PCDH17: variants seen among roughly 807,000 people sequenced by gnomAD.
PCDH17 encodes protocadherin 17, also known as protocadherin-17.
PCDH17 carries 21 observed loss-of-function variants against 67.7 expected under a neutral mutation model. The ratio of observed to expected loss-of-function variants is 0.31; its 90% confidence interval spans 0.22 to 0.45. The LOEUF (loss-of-function observed/expected upper bound fraction) is 0.45, where lower values mean the gene tolerates loss of function less well. Among genes scored for constraint, PCDH17 ranks in the 20% least tolerant of loss-of-function variants. The pLI, the probability that PCDH17 is intolerant of heterozygous loss-of-function variation, is 1.00. For synonymous variants in PCDH17, 701 were observed against 656.7 expected (o/e 1.07, Z -1.03); for missense variants, 1,471 against 1,564.8 (o/e 0.94, Z 1.01).
chr13:57,634,507 A>T lies in PCDH17; in HGVS notation c.1961A>T (p.Asp654Val). 6.2e-7 allele frequency: 1 copy of T among 1,612,646 alleles called. No individual in the cohort carries two copies. Among genetic ancestry groups the T allele is most frequent in the Non-Finnish European group, 8.5e-7 (1 of 1,179,930 alleles). The stretch of plus-strand genomic sequence containing the variant: ...CGCACGCTGCACCCTTTCTGGGAGG[A>T]CGTGACGCCCGTGGTGGAGCTGGTG... ...EIRTLHPFWE[D>V]VTPVVELVVK... The change falls in exon 1 of 4, where the codon GAC becomes GTC. Residue 654 changes from aspartate to valine, a missense_variant. By Grantham distance (152) the Asp-to-Val change is radical. Coordinates refer to ENST00000377918, the MANE Select transcript of PCDH17 (RefSeq NM_001040429.3). The surrounding 1 kb of genome is among the most constrained non-coding windows in gnomAD (Gnocchi z 7.8).
Position 57,634,102 on chromosome 13 carries a change from T to C in PCDH17, c.1556T>C (p.Val519Ala). 6.2e-7 allele frequency: 1 copy of C among 1,612,774 alleles called. No homozygotes were observed. The highest frequency in any genetic ancestry group is 8.5e-7 in the Non-Finnish European group (1 of 1,179,754). Residue 519 changes from valine (V) to alanine (A), a missense_variant, in exon 1 of 4, where the codon GTG becomes GCG. Val to Ala is a moderately conservative substitution (Grantham distance 64, BLOSUM62 0). Transcript: ENST00000377918. This position sits in a 1 kb window ranked among gnomAD's most constrained non-coding sequence, Gnocchi z 7.8. ...ATCCTGCCCTCGCACATCGGCGACG[T>C]GTCTATCTACACCTATGTGTCTGTG... ...YSILPSHIGD[V>A]SIYTYVSVNP...
chr13:57,694,773 A>G (rs1220377502), intron 3 of PCDH17, among the ~76,000 whole-genome samples: 1 of 151,304 alleles, frequency 6.6e-6, no homozygotes, highest in East Asian at 1.9e-4. Flanking sequence ...ATATGATACT[A>G]TAATTGTTCC....
chr13:57,706,700 G>C (rs1213226587), intron 3 of PCDH17, among the ~76,000 whole-genome samples: 2 of 152,084 alleles, frequency 1.3e-5, no homozygotes, highest in Non-Finnish European at 2.9e-5. Context: ...CTTCTGTGTT[G>C]ACAGGATGAG....
At chr13:57,707,330 T>G (rs895852990) in intron 3 of PCDH17, among the ~76,000 whole-genome samples, 5 of 116,762 alleles carry the variant, frequency 4.3e-5, no homozygotes, top group African/African-American at 1.8e-4. Flanking sequence ...TTGTGATATA[T>G]GACCGTGTGT....
At chr13:57,664,899 T>G (rs926777773) in intron 1 of PCDH17, among the ~76,000 whole-genome samples, 2 of 152,192 alleles carry the variant, frequency 1.3e-5, no homozygotes, top group African/African-American at 4.8e-5. Flanking sequence ...CAAGTTATCC[T>G]TAAAAACTGA....
In PCDH17 at chr13:57,634,720, C is replaced by T; in HGVS notation, c.2174C>T (p.Thr725Ile). Residue 725 changes from threonine (T) to isoleucine (I), a missense_variant, in exon 1 of 4, where the codon ACC becomes ATC. Transcript: ENST00000377918. This position sits in a 1 kb window ranked among gnomAD's most constrained non-coding sequence, Gnocchi z 7.8. ...ISIILLAAMI[T>I]IAVKCKRENK... ...ATCATCCTCCTAGCGGCCATGATCA[C>T]CATCGCCGTCAAGTGCAAGCGCGAG... is the stretch of plus-strand genomic sequence containing the variant. The T allele has an allele frequency of 6.2e-7, 1 of 1,613,962 alleles. No individual in the cohort carries two copies.
chr13:57,651,385 C>T (rs1289851949), intron 1 of PCDH17, among the ~76,000 whole-genome samples: 2 of 129,630 alleles, frequency 1.5e-5, no homozygotes, highest in African/African-American at 2.9e-5. Context: ...TTTTTGAGAC[C>T]GGGTCTCACT....
Position 57,633,890 on chromosome 13 carries a change from C to A in PCDH17, c.1344C>A (p.Gly448=). 1 of 1,613,166 alleles carries A rather than the reference C, an allele frequency of 6.2e-7. No homozygotes were observed. Among genetic ancestry groups the A allele is most frequent in the Non-Finnish European group, 8.5e-7 (1 of 1,180,028 alleles). Residue 448 remains glycine (G), a synonymous_variant, in exon 1 of 4, where the codon GGC becomes GGA. Transcript: ENST00000377918. This position sits in a 1 kb window ranked among gnomAD's most constrained non-coding sequence, Gnocchi z 6.2. ...YNVTIVARDG[G]SPPLNSTKSF... is the part of the protein sequence containing the mutation. Reference sequence around the variant, plus strand: ...TGACCATCGTGGCGCGGGACGGGGGCTCTCCTCCCCTCAACTCCACCAAGT... The same window carrying A: ...TGACCATCGTGGCGCGGGACGGGGGATCTCCTCCCCTCAACTCCACCAAGT...
At chr13:57,638,063 A>G (rs1954845666) in intron 1 of PCDH17, among the ~76,000 whole-genome samples, 1 of 152,092 alleles carries the variant, frequency 6.6e-6, no homozygotes, top group Admixed American at 6.5e-5. Context: ...AATACCCACA[A>G]TAGTGTGAAT....
At chr13:57,644,775 A>G (rs1954945837) in intron 1 of PCDH17, among the ~76,000 whole-genome samples, 1 of 151,712 alleles carries the variant, frequency 6.6e-6, no homozygotes, top group African/African-American at 2.4e-5. Context: ...TAGCCATTAA[A>G]TTTTGCCTTA....
At chr13:57,631,410 G>A (rs1954718434), upstream of PCDH17, among the ~76,000 whole-genome samples, 1 of 152,212 alleles carries the variant, frequency 6.6e-6, no homozygotes, top group Non-Finnish European at 1.5e-5. Context: ...TCCTTTAAAT[G>A]TGCACGTCCA....
rs192857238 is a variant in PCDH17 at position 57,648,161 on chromosome 13, T to C, written c.2565+13050T>C. Among the ~76,000 whole-genome samples, 17 of 151,938 alleles carry C rather than the reference T, an allele frequency of 1.1e-4. No homozygotes were observed. In the East Asian group the frequency reaches 3.3e-3, roughly 29 times the overall value. On this transcript the variant is annotated intron_variant, in intron 1 of 3. Coordinates refer to ENST00000377918, the MANE Select transcript of PCDH17 (RefSeq NM_001040429.3). The stretch of plus-strand genomic sequence containing the variant: ...TTTGGTTGAAAGTGTGGGATGGTGA[T>C]AGAAAGGCTCTAGGAGTGAGGGAAG...
At chr13:57,716,179 C>G (rs1277739273) in intron 3 of PCDH17, among the ~76,000 whole-genome samples, 1 of 151,922 alleles carries the variant, frequency 6.6e-6, no homozygotes, top group Non-Finnish European at 1.5e-5. Flanking sequence ...CATCCCAATT[C>G]TATAGTTTCA....
chr13:57,726,976 G>A lies in PCDH17; in HGVS notation c.*1682G>A, dbSNP rs910651147. On this transcript the variant is annotated 3_prime_UTR_variant, in exon 4 of 4. Coordinates refer to ENST00000377918, the MANE Select transcript of PCDH17 (RefSeq NM_001040429.3). ...AGTGCTCTTCTGCCTCTTTTTGTTG[G>A]TGTCCTTTGAGAACAATACACCTTC... 1 of 152,476 alleles carries A rather than the reference G, an allele frequency of 6.6e-6. No homozygotes were observed. Among genetic ancestry groups the A allele is most frequent in the African/African-American group, 2.4e-5 (1 of 41,380 alleles). 9.4% of individuals were successfully genotyped at this position (152,476 alleles called of 1,614,324 possible).
intron 3 of PCDH17, among the ~76,000 whole-genome samples, chr13:57,698,788 G>T (rs1445931659): frequency 6.6e-6 from 1 of 151,928 alleles, no homozygotes; most frequent in Non-Finnish European, 1.5e-5. Flanking sequence ...CAGAGTGAAA[G>T]AACTCAAATG....
At chr13:57,695,822 T>C (rs951076688) in intron 3 of PCDH17, among the ~76,000 whole-genome samples, 2 of 151,444 alleles carry the variant, frequency 1.3e-5, no homozygotes, top group Non-Finnish European at 3.0e-5. Context: ...ATTTCCATGT[T>C]ACTAAAAAAC....
intron 3 of PCDH17, among the ~76,000 whole-genome samples, chr13:57,692,840 A>G (rs1398747896): frequency 1.3e-5 from 2 of 151,206 alleles, no homozygotes; most frequent in Non-Finnish European, 3.0e-5. Flanking sequence ...CAAATTATAC[A>G]TTTCATATAT....
At position 57,634,255 on chromosome 13, in the gene PCDH17, G is replaced by A; in HGVS notation, c.1709G>A (p.Arg570Lys). 6.2e-7 allele frequency: 1 copy of A among 1,613,266 alleles called. No individual in the cohort carries two copies. Among genetic ancestry groups the A allele is most frequent in the Non-Finnish European group, 8.5e-7 (1 of 1,180,046 alleles). The change falls in exon 1 of 4, where the codon AGG becomes AAG. Residue 570 changes from arginine to lysine, a missense_variant. Arg to Lys is a conservative substitution (Grantham distance 26). Around this residue, in one of 3 missense-constraint regions of PCDH17, gnomAD observed 1,163 missense variants for 1,230.0 expected, o/e 0.95. Transcript: ENST00000377918. This position sits in a 1 kb window ranked among gnomAD's most constrained non-coding sequence, Gnocchi z 7.8. ...PAHLESNATV[R>K]VTVLDVNDNA... ...CACTTGGAGAGCAACGCCACGGTGAGGGTGACAGTGCTAGACGTGAATGAC... is the reference window on the plus strand; with the variant it reads ...CACTTGGAGAGCAACGCCACGGTGAAGGTGACAGTGCTAGACGTGAATGAC...
At chr13:57,701,799 G>T (rs1955665261) in intron 3 of PCDH17, among the ~76,000 whole-genome samples, 1 of 152,086 alleles carries the variant, frequency 6.6e-6, no homozygotes, top group African/African-American at 2.4e-5. Context: ...AAATGTAAAT[G>T]AATTCCATCC....
Sources: allele counts gnomAD v4.1 joint callset (sites outside exome capture counted in the v4.1 genomes callset), GRCh38; gene constraint gnomAD v4.1.1; regional missense constraint gnomAD v4.1.1; non-coding constraint Gnocchi (gnomAD v3.1); transcripts MANE v1.5; gene names NCBI Gene and HGNC (gene_info 2026-07-23, HGNC 2026-07-21).